Variants in FSTL5 observed in about 807,000 individuals in gnomAD.
FSTL5 encodes follistatin-related protein 5.
Under a neutral mutation model 89.1 loss-of-function variants are expected in FSTL5, and 62 were observed. The observed-to-expected ratio is 0.70, with a 90% CI of 0.57 to 0.86. The LOEUF (loss-of-function observed/expected upper bound fraction) is 0.86. Among genes scored for constraint, FSTL5 ranks in the 40% least tolerant of loss-of-function variants. The pLI is 0.00. For missense variants in FSTL5, 1,057 were observed against 1,001.6 expected (o/e 1.06, Z -0.75); for synonymous variants, 383 against 346.2 (o/e 1.11, Z -1.18).
chr4:161,609,202 G>GA (rs1035253232), intron 7 of FSTL5, among the ~76,000 whole-genome samples: 15 of 151,978 alleles, frequency 9.9e-5, no homozygotes, highest in Non-Finnish European at 2.1e-4. Context: ...ATAAATTAAT[G>GA]AATACATTAA....
At chr4:161,440,283 C>T (rs1047970896) in intron 15 of FSTL5, among the ~76,000 whole-genome samples, 4 of 152,036 alleles carry the variant, frequency 2.6e-5, no homozygotes, top group Non-Finnish European at 1.5e-5. Flanking sequence ...CATATCTGGA[C>T]TTGATAGAGT....
chr4:161,691,097 T>G (rs1379661437), intron 6 of FSTL5, among the ~76,000 whole-genome samples: 2 of 152,148 alleles, frequency 1.3e-5, no homozygotes, highest in Non-Finnish European at 2.9e-5. Context: ...ATGCTTTTTA[T>G]GTAAAATCAA....
chr4:161,695,424 CGTGTGT>C (rs151205054), intron 6 of FSTL5, among the ~76,000 whole-genome samples: 4 of 134,248 alleles, frequency 3.0e-5, no homozygotes, highest in East Asian at 2.1e-4. Flanking sequence ...CCATGGTGTA[CGTGTGT>C]GTGTGTGTGT....
intron 12 of FSTL5, 56 bp downstream of exon 12, chr4:161,499,960 A>G: frequency 1.0e-6 from 1 of 1,001,052 alleles, no homozygotes; most frequent in Non-Finnish European, 1.6e-6. Context: ...CCAAAACGTA[A>G]TTCTACTTAA....
chr4:162,123,139 A>AGC, intron 1 of FSTL5, among the ~76,000 whole-genome samples: 1 of 152,290 alleles, frequency 6.6e-6, no homozygotes, highest in Non-Finnish European at 1.5e-5. Context: ...CAAGGTCTCC[A>AGC]GCAGCCTGTG....
At chr4:161,863,384 G>T (rs192984188) in intron 4 of FSTL5, among the ~76,000 whole-genome samples, 43 of 152,242 alleles carry the variant, frequency 2.8e-4, no homozygotes, top group Admixed American at 2.6e-3. Context: ...AGATGTGCAG[G>T]AGGGTGAATG....
At chr4:162,146,606 C>A (rs1732994816) in intron 1 of FSTL5, among the ~76,000 whole-genome samples, 1 of 151,808 alleles carries the variant, frequency 6.6e-6, no homozygotes, top group African/African-American at 2.4e-5. Flanking sequence ...AATGCCAATA[C>A]CTTACTATTA....
In FSTL5 at chr4:161,692,919, T is replaced by C. The variant is rs186702611; in HGVS notation, c.728-36425A>G. On this transcript the variant is annotated intron_variant, in intron 6 of 15. Transcript: ENST00000306100. ...TTGTATTTTTAGTAGAGAAGGAGTT[T>C]CACCATGCTGGCCAGGAAGGTCTCA... 1.3e-3 allele frequency among the ~76,000 whole-genome samples: 191 copies of C among 152,198 alleles called. 5 individuals are homozygous for C. The highest frequency in any genetic ancestry group is 0.012 in the Admixed American group (181 of 15,284).
chr4:161,848,565 T>C (rs765949256), intron 4 of FSTL5, among the ~76,000 whole-genome samples: 10 of 152,230 alleles, frequency 6.6e-5, no homozygotes, highest in Non-Finnish European at 1.2e-4. Flanking sequence ...CATATTTGCA[T>C]ATTATATGTA....
In FSTL5 at chr4:161,926,417, TTG is replaced by T. The variant is rs1491585022; in HGVS notation, c.161-5767_161-5766del. Among the ~76,000 whole-genome samples, 647 of 95,238 alleles carry T rather than the reference TTG, an allele frequency of 6.8e-3. 6 individuals are homozygous for T. The highest frequency in any genetic ancestry group is 0.02 in the African/African-American group (518 of 26,438). 62.5% of individuals were successfully genotyped at this position (95,238 alleles called of 152,430 possible). A position where few individuals can be genotyped will look rare whatever the true frequency, so the allele number is the denominator to read the frequency against. On this transcript the variant is annotated intron_variant, in intron 3 of 15. Transcript: ENST00000306100. ...AGGTTTTTTTTTTTTGTTTTGTTTTTTGTTTTTTTACAAGAGGCCGTATGAAA... is the reference window on the plus strand; with the variant it reads ...AGGTTTTTTTTTTTTGTTTTGTTTTTTTTTTTTACAAGAGGCCGTATGAAA...
At chr4:161,808,516 A>G (rs895714821) in intron 4 of FSTL5, among the ~76,000 whole-genome samples, 1 of 152,206 alleles carries the variant, frequency 6.6e-6, no homozygotes, top group Admixed American at 6.5e-5. Context: ...TGAATTAAAG[A>G]TGTAAACATG....
intron 3 of FSTL5, among the ~76,000 whole-genome samples, chr4:161,939,616 A>T (rs1482722995): frequency 6.6e-6 from 1 of 151,996 alleles, no homozygotes; most frequent in African/African-American, 2.4e-5. Context: ...AGGACTGTAG[A>T]GGAAGAATTG....
intron 8 of FSTL5, among the ~76,000 whole-genome samples, chr4:161,544,843 C>T (rs1282122477): frequency 6.6e-6 from 1 of 151,866 alleles, no homozygotes; most frequent in East Asian, 1.9e-4. Context: ...CTAATGTTAC[C>T]TTTCCTGATT....
chr4:161,820,138 C>T (rs921883031), intron 4 of FSTL5, among the ~76,000 whole-genome samples: 21 of 151,958 alleles, frequency 1.4e-4, no homozygotes, highest in South Asian at 6.2e-4. Flanking sequence ...TTTATTTTTG[C>T]GTTGTCTACT....
chr4:161,832,168 T>C (rs1730865978), intron 4 of FSTL5, among the ~76,000 whole-genome samples: 1 of 152,044 alleles, frequency 6.6e-6, no homozygotes. Context: ...ACCCTTCAAA[T>C]GAACAATGAC....
rs1553988292 is a variant in FSTL5 at position 161,459,061 on chromosome 4, C to CA, written c.1716+150_1716+151insT. The CA allele has an allele frequency of 1.9e-4, 96 of 513,416 alleles. 2 individuals are homozygous for CA. In the East Asian group the frequency reaches 1.9e-3, roughly 10 times the overall value. 31.8% of individuals were successfully genotyped at this position (513,416 alleles called of 1,614,324 possible). On this transcript the variant is annotated intron_variant, in intron 14 of 15. Coordinates refer to ENST00000306100, the MANE Select transcript of FSTL5 (RefSeq NM_020116.5). ...CAGTCCAAAAGTACATGAATGCCAACTTTTTTGCCTTTTTCTGTGCCTATC... is the reference window on the plus strand; with the variant it reads ...CAGTCCAAAAGTACATGAATGCCAACATTTTTTGCCTTTTTCTGTGCCTATC...
chr4:161,639,923 T>G (rs62328856), intron 7 of FSTL5, among the ~76,000 whole-genome samples: 75,225 of 151,826 alleles, frequency 0.5, 19,082 homozygotes, highest in African/African-American at 0.61. Context: ...GACTTGCAGA[T>G]AATTTAAAGG....
At chr4:161,397,535 C>A (rs1731046001) in intron 15 of FSTL5, among the ~76,000 whole-genome samples, 1 of 150,774 alleles carries the variant, frequency 6.6e-6, no homozygotes, top group African/African-American at 2.4e-5. Flanking sequence ...TAATTTTTAA[C>A]ATAAAATGAT....
intron 6 of FSTL5, among the ~76,000 whole-genome samples, chr4:161,668,301 C>G (rs1224645140): frequency 6.6e-6 from 1 of 152,166 alleles, no homozygotes; most frequent in African/African-American, 2.4e-5. Context: ...AAGTCACAAT[C>G]TGCTAAAACT....
Sources: allele counts gnomAD v4.1 joint callset (sites outside exome capture counted in the v4.1 genomes callset), GRCh38; gene constraint gnomAD v4.1.1; transcripts MANE v1.5; gene names NCBI Gene and HGNC (gene_info 2026-07-23, HGNC 2026-07-21).